Variants in SH3RF1 observed in about 807,000 individuals in gnomAD.
The protein encoded by SH3RF1 is E3 ubiquitin-protein ligase SH3RF1.
SH3RF1 carries 32 observed loss-of-function variants against 74.0 expected under a neutral mutation model. The ratio of observed to expected loss-of-function variants is 0.43; its 90% confidence interval spans 0.33 to 0.58. SH3RF1 has a LOEUF of 0.58. Among genes scored for constraint, SH3RF1 ranks in the 20% least tolerant of loss-of-function variants. The pLI, the probability that SH3RF1 is intolerant of heterozygous loss-of-function variation, is 0.05. For missense variants in SH3RF1, 954 were observed against 1,130.9 expected (o/e 0.84, Z 2.24); for synonymous variants, 396 against 439.6 (o/e 0.90, Z 1.24).
At chr4:169,211,678 G>T (rs772442969) in intron 2 of SH3RF1, among the ~76,000 whole-genome samples, 1 of 152,126 alleles carries the variant, frequency 6.6e-6, no homozygotes, top group Non-Finnish European at 1.5e-5. Context: ...ATTAAAAGGG[G>T]GGAAGTGTTA....
intron 1 of SH3RF1, 140 bp from the exon 2 acceptor site, chr4:169,269,447 G>C (rs1176292981): frequency 2.2e-6 from 1 of 457,552 alleles, no homozygotes; most frequent in African/African-American, 2.0e-5. Context: ...TTGGAATGTG[G>C]GTTCCTAAAC....
chr4:169,191,499 C>T (rs985471450), intron 2 of SH3RF1, among the ~76,000 whole-genome samples: 13 of 151,984 alleles, frequency 8.6e-5, no homozygotes, highest in African/African-American at 3.1e-4. Context: ...AATGCAATCC[C>T]CATCAAAATA....
chr4:169,225,576 AAG>A (rs1030492711), intron 2 of SH3RF1, among the ~76,000 whole-genome samples: 2 of 152,238 alleles, frequency 1.3e-5, no homozygotes, highest in Non-Finnish European at 2.9e-5. Context: ...TTTAGTGACT[AAG>A]AGAGTCTGGA....
At chr4:169,269,777 C>A (rs538712131) in intron 1 of SH3RF1, 2 of 152,264 alleles carry the variant, frequency 1.3e-5, no homozygotes, top group African/African-American at 4.8e-5. Context: ...CTCATGTAAT[C>A]GCTCGTGGTA....
chr4:169,137,623 T>C (rs1335166186), intron 4 of SH3RF1, among the ~76,000 whole-genome samples: 1 of 152,222 alleles, frequency 6.6e-6, no homozygotes, highest in Non-Finnish European at 1.5e-5. Context: ...ACTTCACAAA[T>C]GTCTTTATAT....
chr4:169,223,537 C>T (rs1468149139), intron 2 of SH3RF1, among the ~76,000 whole-genome samples: 1 of 152,180 alleles, frequency 6.6e-6, no homozygotes, highest in African/African-American at 2.4e-5. Flanking sequence ...GTTTACTGAA[C>T]ATATGGTCCC....
rs573090706 is a variant in SH3RF1 at position 169,203,512 on chromosome 4, T to C, written c.394-46833A>G. Among the ~76,000 whole-genome samples, 22 of 151,188 alleles carry C rather than the reference T, an allele frequency of 1.5e-4. No individual in the cohort carries two copies. In the South Asian group the frequency reaches 4.4e-3, roughly 30 times the overall value. On this transcript the variant is annotated intron_variant, in intron 2 of 11. Coordinates refer to ENST00000284637, the MANE Select transcript of SH3RF1 (RefSeq NM_020870.4). Reference sequence around the variant, plus strand: ...GTTGCAGTGAGCTGAGATGGCACCATTGCACTCCAGCCTGGGCAACAGAGC... The same window carrying C: ...GTTGCAGTGAGCTGAGATGGCACCACTGCACTCCAGCCTGGGCAACAGAGC...
chr4:169,145,934 T>C (rs1395196383), intron 4 of SH3RF1, among the ~76,000 whole-genome samples: 10 of 139,952 alleles, frequency 7.1e-5, no homozygotes, highest in Admixed American at 2.2e-4. Flanking sequence ...AAATATTACA[T>C]ATTCTATATA....
chr4:169,134,335 G>A (rs1733663800), intron 5 of SH3RF1, among the ~76,000 whole-genome samples: 1 of 152,222 alleles, frequency 6.6e-6, no homozygotes, highest in South Asian at 2.1e-4. Flanking sequence ...CAGCTCTGGT[G>A]TGGTAACGTC....
intron 2 of SH3RF1, among the ~76,000 whole-genome samples, chr4:169,157,531 C>T (rs772444332): frequency 1.1e-4 from 17 of 152,188 alleles, no homozygotes; most frequent in African/African-American, 2.7e-4. Context: ...TACTTTTCAA[C>T]GGCATTGGGG....
chr4:169,206,367 G>A (rs1395262510), intron 2 of SH3RF1, among the ~76,000 whole-genome samples: 1 of 152,012 alleles, frequency 6.6e-6, no homozygotes, highest in African/African-American at 2.4e-5. Context: ...CTGCCCTAGA[G>A]TCTAATATCC....
chr4:169,261,084 C>T (rs776592275), intron 2 of SH3RF1, among the ~76,000 whole-genome samples: 17 of 152,182 alleles, frequency 1.1e-4, no homozygotes, highest in Non-Finnish European at 2.4e-4. Flanking sequence ...AACTCAGCCC[C>T]CTCACCAGCC....
intron 1 of SH3RF1, chr4:169,269,568 T>C (rs1030956579): frequency 5.3e-6 from 1 of 186,976 alleles, no homozygotes; most frequent in African/African-American, 2.3e-5. Context: ...TATTACATAA[T>C]TCCCGCAGAA....
At chr4:169,255,289 T>C (rs980634748) in intron 2 of SH3RF1, among the ~76,000 whole-genome samples, 1 of 152,202 alleles carries the variant, frequency 6.6e-6, no homozygotes, top group Non-Finnish European at 1.5e-5. Context: ...TATAAATTTA[T>C]TGAAATTTGA....
At chr4:169,190,103 A>C (rs1036907486) in intron 2 of SH3RF1, among the ~76,000 whole-genome samples, 3 of 152,178 alleles carry the variant, frequency 2.0e-5, no homozygotes, top group Admixed American at 6.5e-5. Context: ...TCATAGCCCT[A>C]AACGCCTACA....
intron 2 of SH3RF1, among the ~76,000 whole-genome samples, chr4:169,251,527 A>G (rs1432440387): frequency 2.0e-5 from 3 of 152,194 alleles, no homozygotes; most frequent in Non-Finnish European, 4.4e-5. Flanking sequence ...ACAGAAGCAT[A>G]CTGTCTTTCA....
intron 2 of SH3RF1, among the ~76,000 whole-genome samples, chr4:169,224,008 T>C (rs1730613274): frequency 1.3e-5 from 2 of 152,260 alleles, no homozygotes; most frequent in South Asian, 4.1e-4. Flanking sequence ...TGAATGTTTC[T>C]CCTTAAAGGC....
At chr4:169,181,871 CTTTA>C (rs1561046375) in intron 2 of SH3RF1, among the ~76,000 whole-genome samples, 3 of 152,262 alleles carry the variant, frequency 2.0e-5, no homozygotes, top group African/African-American at 7.2e-5. Flanking sequence ...CCTTATCCTG[CTTTA>C]TTTCTCTTCA....
chr4:169,233,050 A>T (rs1730768588), intron 2 of SH3RF1, among the ~76,000 whole-genome samples: 1 of 152,082 alleles, frequency 6.6e-6, no homozygotes, highest in African/African-American at 2.4e-5. Flanking sequence ...GGAGTTCAAG[A>T]CCAGCCTGGC....
Sources: gnomAD v4.1 joint callset for allele counts (sites outside exome capture counted in the v4.1 genomes callset) on GRCh38, gnomAD v4.1.1 for gene constraint, MANE v1.5 for transcripts, NCBI Gene and HGNC (gene_info 2026-07-23, HGNC 2026-07-21) for gene names.